TTI2: variants seen among roughly 807,000 people sequenced by gnomAD.
TTI2 encodes TELO2-interacting protein 2.
A neutral mutation model predicts 44.9 loss-of-function variants in TTI2; 26 were observed. The observed-to-expected ratio is 0.58, with a 90% confidence interval of 0.42 to 0.80. The LOEUF (loss-of-function observed/expected upper bound fraction) is 0.80. TTI2 is among the 30% of genes least tolerant of loss of function. The pLI is 0.00. For synonymous variants in TTI2, 254 were observed against 250.9 expected (o/e 1.01, Z -0.12); for missense variants, 582 against 611.6 (o/e 0.95, Z 0.51).
chr8:33,507,163 C>A (rs752814616), intron 4 of TTI2, 66 bp downstream of exon 4: 68 of 1,400,224 alleles, frequency 4.9e-5, no homozygotes, highest in Non-Finnish European at 6.8e-5. Flanking sequence ...CTACTACTCA[C>A]ACAATGCAAC....
At chr8:33,510,274 C>T (rs556690304) in intron 2 of TTI2, among the ~76,000 whole-genome samples, 14 of 152,248 alleles carry the variant, frequency 9.2e-5, no homozygotes, top group African/African-American at 3.4e-4. Context: ...AGTAGTATTA[C>T]ACTAAGGAAA....
At position 33,511,966 on chromosome 8, in the gene TTI2, C is replaced by T. The variant is rs1269425390; in HGVS notation, c.647+1G>A. The T allele has an allele frequency of 9.9e-6, 16 of 1,614,078 alleles. No individual in the cohort carries two copies. Among genetic ancestry groups the T allele is most frequent in the Non-Finnish European group, 1.4e-5 (16 of 1,180,040 alleles). On this transcript the variant is annotated splice_donor_variant, in intron 2 of 7. Coordinates refer to ENST00000431156, the MANE Select transcript of TTI2 (RefSeq NM_001102401.4). LOFTEE classifies it high-confidence loss of function. ...CGGTGGCAAAGGGCAGGAGTACTCA[C>T]TTATACAAGTCGGGTTTGAGAAGCC...
Position 33,498,790 on chromosome 8 carries a change from T to A in TTI2, c.*383A>T. On this transcript the variant is annotated 3_prime_UTR_variant, in exon 8 of 8. Transcript: ENST00000431156. The stretch of plus-strand genomic sequence containing the variant: ...TATGCCACGTCAGTGGGGCAAGAAA[T>A]CTGGAGTGAGTGAAGAAAGCTAAGT... 1 of 669,476 alleles carries A rather than the reference T, an allele frequency of 1.5e-6. No homozygotes were observed. The highest frequency in any genetic ancestry group is 2.0e-5 in the South Asian group (1 of 49,560). The allele number at this position is 669,476 out of a possible 1,614,324, so 41.5% of individuals were successfully genotyped here.
intron 3 of TTI2, among the ~76,000 whole-genome samples, chr8:33,507,988 CA>C (rs35037238): frequency 0.61 from 56,713 of 93,704 alleles, 15,376 homozygotes; most frequent in Middle Eastern, 0.64. Context: ...GACCCTGTCT[CA>C]AAAAAAAAAA....
intron 6 of TTI2, among the ~76,000 whole-genome samples, chr8:33,501,966 CAG>C (rs1809096856): frequency 2.0e-5 from 3 of 151,878 alleles, no homozygotes; most frequent in Non-Finnish European, 4.4e-5. Flanking sequence ...TATTTTGAGA[CAG>C]AGTCTCGCTC....
chr8:33,500,567 A>C, intron 6 of TTI2, 77 bp from the exon 7 acceptor site: 3 of 1,545,300 alleles, frequency 1.9e-6, no homozygotes, highest in Non-Finnish European at 1.8e-6. Context: ...AAGACTGTCA[A>C]GTGGAAAGCT....
intron 7 of TTI2, chr8:33,499,650 C>T: frequency 5.5e-6 from 1 of 181,262 alleles, no homozygotes; most frequent in South Asian, 1.2e-4. Flanking sequence ...ACTATCTCTA[C>T]ATATTTTTAG....
In TTI2 at chr8:33,498,997, A is replaced by T; in HGVS notation, c.*176T>A. On this transcript the variant is annotated 3_prime_UTR_variant, in exon 8 of 8. Coordinates refer to ENST00000431156, the MANE Select transcript of TTI2 (RefSeq NM_001102401.4). ...TTTATTTAGAAATGGAAGGAGTTCA[A>T]TTTTTTCTTGTTCTACTTTCCCTAT... 1.6e-6 allele frequency: 1 copy of T among 623,662 alleles called. No individual in the cohort carries two copies. The highest frequency in any genetic ancestry group is 2.8e-6 in the Non-Finnish European group (1 of 357,940). The allele number at this position is 623,662 out of a possible 1,614,324, so 38.6% of individuals were successfully genotyped here. A position where few individuals can be genotyped will look rare whatever the true frequency, so the allele number is the denominator to read the frequency against.
chr8:33,509,883 G>C lies in TTI2; in HGVS notation c.697C>G (p.Leu233Val). 13 of 1,605,902 alleles carry C rather than the reference G, an allele frequency of 8.1e-6. No individual in the cohort carries two copies. Among genetic ancestry groups the C allele is most frequent in the Non-Finnish European group, 1.1e-5 (13 of 1,175,998 alleles). The change falls in exon 3 of 8, where the codon CTG (leucine) becomes GTG (valine). Residue 233 changes from leucine (L) to valine (V), a missense_variant. Leu to Val is a conservative substitution (Grantham distance 32). Coordinates refer to ENST00000431156, the MANE Select transcript of TTI2 (RefSeq NM_001102401.4). ...AGCCAGGGCCGAGTGACCTGTTGCA[G>C]AGTCCATGAGAAAACATGTTTGATG... is the stretch of plus-strand genomic sequence containing the variant. ...PAIKHVFSWTLQQVTRPWLSQ... is the reference protein window; with the variant it reads ...PAIKHVFSWTVQQVTRPWLSQ...
chr8:33,506,953 C>T (rs996698032), intron 4 of TTI2, among the ~76,000 whole-genome samples: 1 of 152,138 alleles, frequency 6.6e-6, no homozygotes, highest in Non-Finnish European at 1.5e-5. Flanking sequence ...CCTCAGCCTC[C>T]CAAAGTGCTG....
intron 6 of TTI2, among the ~76,000 whole-genome samples, chr8:33,502,847 AGG>A (rs76829459): frequency 0.53 from 79,885 of 150,232 alleles, 21,515 homozygotes; most frequent in Non-Finnish European, 0.59. Flanking sequence ...CAAAAACAAA[AGG>A]CTGGGCATGG....
chr8:33,510,045 A>C, intron 2 of TTI2, 113 bp from the exon 3 acceptor site: 1 of 812,722 alleles, frequency 1.2e-6, no homozygotes. Flanking sequence ...GAAAAAAAAA[A>C]TACATCGCAC....
chr8:33,498,890 T>C lies in TTI2; in HGVS notation c.*283A>G. ...CCCGAGAAACTTAACAGATGAGTTC[T>C]TGAATCTGGGATGAGATGACGGATG... is the stretch of plus-strand genomic sequence containing the variant. On this transcript the variant is annotated 3_prime_UTR_variant, in exon 8 of 8. Transcript: ENST00000431156. The C allele has an allele frequency of 1.7e-6, 1 of 581,802 alleles. No homozygotes were observed. The highest frequency in any genetic ancestry group is 3.0e-6 in the Non-Finnish European group (1 of 330,886). 36.0% of individuals were successfully genotyped at this position (581,802 alleles called of 1,614,324 possible).
At chr8:33,511,560 G>A (rs1479726569) in intron 2 of TTI2, among the ~76,000 whole-genome samples, 2 of 152,098 alleles carry the variant, frequency 1.3e-5, no homozygotes, top group Non-Finnish European at 2.9e-5. Flanking sequence ...TACTGCTGAA[G>A]AAATTGAGCT....
At chr8:33,499,807 G>A (rs1424478292) in intron 7 of TTI2, 2 of 158,528 alleles carry the variant, frequency 1.3e-5, no homozygotes, top group African/African-American at 4.8e-5. Context: ...GAAGTACACA[G>A]CTATTATATG....
chr8:33,504,059 C>T, intron 4 of TTI2, 124 bp from the exon 5 acceptor site: 1 of 979,198 alleles, frequency 1.0e-6, no homozygotes, highest in Non-Finnish European at 1.6e-6. Context: ...TTCTAAGATA[C>T]TAGTAATCAT....
At position 33,512,470 on chromosome 8, in the gene TTI2, T is replaced by G. The variant is rs142542784; in HGVS notation, c.144A>C (p.Lys48Asn). The G allele has an allele frequency of 1.3e-5, 21 of 1,613,980 alleles. No homozygotes were observed. The highest frequency in any genetic ancestry group is 1.6e-5 in the Non-Finnish European group (19 of 1,179,982). Residue 48 changes from lysine to asparagine, a missense_variant, in exon 2 of 8, where the codon AAA (lysine) becomes AAC (asparagine). Physicochemically the swap from Lys to Asn is moderately conservative, Grantham distance 94 (BLOSUM62 0). Coordinates refer to ENST00000431156, the MANE Select transcript of TTI2 (RefSeq NM_001102401.4). ...ARPEARRGNV[K>N]DAVLKDLGDL... The stretch of plus-strand genomic sequence containing the variant: ...CACCGAGGTCTTTAAGAACTGCATC[T>G]TTTACATTGCCTCGTCGTGCCTCCG...
At chr8:33,506,445 G>A (rs1365834806) in intron 4 of TTI2, among the ~76,000 whole-genome samples, 1 of 146,308 alleles carries the variant, frequency 6.8e-6, no homozygotes, top group Non-Finnish European at 1.5e-5. Flanking sequence ...AGGCTGGAGT[G>A]CTGTGGCATG....
rs761459618 is a variant in TTI2, at chr8:33,512,490, C to G, written c.124G>C (p.Ala42Pro). 2.5e-6 allele frequency: 4 copies of G among 1,614,076 alleles called. No homozygotes were observed. The South Asian group carries it at 4.4e-5, about 18-fold the overall frequency. The change falls in exon 2 of 8, where the codon GCA becomes CCA. Residue 42 changes from alanine to proline, a missense_variant. Coordinates refer to ENST00000431156, the MANE Select transcript of TTI2 (RefSeq NM_001102401.4). ...KILHCLARPE[A>P]RRGNVKDAVL... ...GCATCTTTTACATTGCCTCGTCGTGCCTCCGGGCGGGCAAGACAGTGTAAA... is the reference window on the plus strand; with the variant it reads ...GCATCTTTTACATTGCCTCGTCGTGGCTCCGGGCGGGCAAGACAGTGTAAA...
Sources: gnomAD v4.1 joint callset for allele counts (sites outside exome capture counted in the v4.1 genomes callset) on GRCh38, gnomAD v4.1.1 for gene constraint, MANE v1.5 for transcripts, NCBI Gene and HGNC (gene_info 2026-07-23, HGNC 2026-07-21) for gene names.